ABL2: variants seen among roughly 807,000 people sequenced by gnomAD.
ABL2 encodes the protein tyrosine-protein kinase ABL2.
A neutral mutation model predicts 107.7 loss-of-function variants in ABL2; 49 were observed. That is an observed-to-expected ratio of 0.45 (90% CI 0.36 to 0.58). The LOEUF is 0.58. ABL2 is among the 20% of genes least tolerant of loss of function. ABL2 has a pLI of 0.00. For synonymous variants in ABL2, 549 were observed against 548.6 expected (o/e 1.00, Z -0.01); for missense variants, 1,245 against 1,457.0 (o/e 0.85, Z 2.37).
chr1:179,161,784 A>G (rs1219575458), intron 1 of ABL2, among the ~76,000 whole-genome samples: 1 of 152,190 alleles, frequency 6.6e-6, no homozygotes, highest in Non-Finnish European at 1.5e-5. Flanking sequence ...TGTGTCCCCC[A>G]AAGTTTGTAT....
chr1:179,208,063 A>G (rs1662073974), intron 1 of ABL2, among the ~76,000 whole-genome samples: 1 of 152,198 alleles, frequency 6.6e-6, no homozygotes, highest in Non-Finnish European at 1.5e-5. Flanking sequence ...ATATCTGAGA[A>G]AGGCACAAAA....
chr1:179,164,979 GAATA>G (rs1453872744), intron 1 of ABL2, among the ~76,000 whole-genome samples: 3 of 152,086 alleles, frequency 2.0e-5, no homozygotes, highest in Non-Finnish European at 4.4e-5. Context: ...CAATAAAATA[GAATA>G]AATATAATAA....
At chr1:179,213,213 T>TA (rs1165539312) in intron 1 of ABL2, among the ~76,000 whole-genome samples, 1 of 152,168 alleles carries the variant, frequency 6.6e-6, no homozygotes, top group Non-Finnish European at 1.5e-5. Flanking sequence ...TGCAGTACTT[T>TA]ATATTCATTT....
At chr1:179,216,880 C>T (rs989654096) in intron 1 of ABL2, among the ~76,000 whole-genome samples, 3 of 150,672 alleles carry the variant, frequency 2.0e-5, no homozygotes, top group African/African-American at 4.9e-5. Flanking sequence ...GGTGGGGTTT[C>T]ACCACATTGG....
intron 1 of ABL2, among the ~76,000 whole-genome samples, chr1:179,211,360 T>A (rs192238535): frequency 0.011 from 1,577 of 150,122 alleles, 40 homozygotes; most frequent in African/African-American, 0.035. Context: ...CCTAAAAAAA[T>A]TTTTTTTTTA....
chr1:179,205,725 G>A (rs1218117161), intron 1 of ABL2, among the ~76,000 whole-genome samples: 2 of 152,202 alleles, frequency 1.3e-5, no homozygotes, highest in Non-Finnish European at 2.9e-5. Flanking sequence ...GGGCGGGTAA[G>A]GGGGATTGTT....
At position 179,137,155 on chromosome 1, in the gene ABL2, T is replaced by C. The variant is rs78095981; in HGVS notation, c.158-3781A>G. On this transcript the variant is annotated intron_variant, in intron 1 of 11. Coordinates refer to ENST00000502732, the MANE Select transcript of ABL2 (RefSeq NM_007314.4). ...TGTTCCTTATTTAAATGCAGAATTA[T>C]GGTGAATGGGAACAGCTGTATTCTA... Among the ~76,000 whole-genome samples, 486 of 152,304 alleles carry C rather than the reference T, an allele frequency of 3.2e-3. 5 individuals carry two copies. The highest frequency in any genetic ancestry group is 0.019 in the East Asian group (101 of 5,186).
chr1:179,165,230 C>G (rs1175014768), intron 1 of ABL2, among the ~76,000 whole-genome samples: 1 of 152,076 alleles, frequency 6.6e-6, no homozygotes, highest in Non-Finnish European at 1.5e-5. Flanking sequence ...TGCTATGTGC[C>G]AACTACTGTA....
chr1:179,136,219 C>T (rs1333272897), intron 1 of ABL2, among the ~76,000 whole-genome samples: 1 of 151,762 alleles, frequency 6.6e-6, no homozygotes, highest in African/African-American at 2.4e-5. Flanking sequence ...TACCCAACAG[C>T]TCATTGAGAA....
intron 1 of ABL2, among the ~76,000 whole-genome samples, chr1:179,160,822 AG>A (rs1352398986): frequency 6.6e-6 from 1 of 152,186 alleles, no homozygotes; most frequent in Non-Finnish European, 1.5e-5. Flanking sequence ...GGACATGAAA[AG>A]ATGTTCAACA....
chr1:179,116,272 G>T (rs1357685613), intron 8 of ABL2, among the ~76,000 whole-genome samples: 1 of 152,150 alleles, frequency 6.6e-6, no homozygotes, highest in Non-Finnish European at 1.5e-5. Context: ...AACTCTGGAG[G>T]CTGAGGCAGG....
intron 1 of ABL2, among the ~76,000 whole-genome samples, chr1:179,163,539 G>C (rs568808817): frequency 1.3e-5 from 2 of 152,272 alleles, no homozygotes; most frequent in African/African-American, 4.8e-5. Flanking sequence ...TTGCGGTCAG[G>C]AGTTCGAGAA....
At chr1:179,144,863 G>C (rs1361880631) in intron 1 of ABL2, among the ~76,000 whole-genome samples, 1 of 152,066 alleles carries the variant, frequency 6.6e-6, no homozygotes, top group Non-Finnish European at 1.5e-5. Context: ...TAGAAAAAAA[G>C]GTATGGGAAA....
At chr1:179,120,638 T>C (rs2102624985) in intron 5 of ABL2, among the ~76,000 whole-genome samples, 1 of 152,258 alleles carries the variant, frequency 6.6e-6, no homozygotes, top group Non-Finnish European at 1.5e-5. Context: ...TTGGCCAGGA[T>C]GCTCTCCTGA....
intron 1 of ABL2, among the ~76,000 whole-genome samples, chr1:179,206,751 C>A (rs556025154): frequency 1.3e-5 from 2 of 152,238 alleles, no homozygotes; most frequent in Non-Finnish European, 2.9e-5. Flanking sequence ...TTTTGAACCA[C>A]ATAAATGTAC....
chr1:179,150,272 A>G (rs1658282750), intron 1 of ABL2, among the ~76,000 whole-genome samples: 1 of 152,202 alleles, frequency 6.6e-6, no homozygotes, highest in Non-Finnish European at 1.5e-5. Context: ...TAGCTGCCAC[A>G]GTCAGTTCTC....
intron 1 of ABL2, among the ~76,000 whole-genome samples, chr1:179,153,145 C>T (rs192333851): frequency 1.2e-3 from 186 of 152,278 alleles, no homozygotes; most frequent in Admixed American, 1.4e-3. Context: ...TACTCAATTT[C>T]TGAAATACTT....
intron 1 of ABL2, among the ~76,000 whole-genome samples, chr1:179,225,597 A>AT (rs781409297): frequency 2.2e-4 from 33 of 152,296 alleles, no homozygotes; most frequent in East Asian, 1.7e-3. Flanking sequence ...GTCTGGAGGC[A>AT]TTTTTATAAC....
chr1:179,208,571 G>A (rs1331779570), intron 1 of ABL2, among the ~76,000 whole-genome samples: 1 of 152,120 alleles, frequency 6.6e-6, no homozygotes, highest in African/African-American at 2.4e-5. Flanking sequence ...ATATCAATGA[G>A]GGATATCTCC....
Sources: allele counts gnomAD v4.1 joint callset (sites outside exome capture counted in the v4.1 genomes callset), GRCh38; gene constraint gnomAD v4.1.1; transcripts MANE v1.5; gene names NCBI Gene and HGNC (gene_info 2026-07-23, HGNC 2026-07-21).